APBA1: variants seen among roughly 807,000 people sequenced by gnomAD.
The protein encoded by APBA1 is amyloid beta precursor protein binding family A member 1, also known as amyloid-beta A4 precursor protein-binding family A member 1.
In APBA1, 55 loss-of-function variants were observed where a neutral mutation model predicts 86.6. The ratio of observed to expected loss-of-function variants is 0.64; its 90% CI spans 0.51 to 0.80. The LOEUF is 0.80. Ranked by LOEUF, APBA1 falls within the 30% of genes least tolerant of loss-of-function variation. The pLI is 0.00. For missense variants in APBA1, 1,090 were observed against 1,183.0 expected (o/e 0.92, Z 1.15); for synonymous variants, 511 against 493.9 (o/e 1.03, Z -0.46).
chr9:69,606,478 G>T (rs1452281887), intron 1 of APBA1, among the ~76,000 whole-genome samples: 1 of 79,990 alleles, frequency 1.3e-5, no homozygotes, highest in Non-Finnish European at 2.7e-5. Flanking sequence ...GAGGGAGCTA[G>T]CTTTTTTTTT....
At chr9:69,548,822 C>T (rs1019671447) in intron 1 of APBA1, among the ~76,000 whole-genome samples, 24 of 152,234 alleles carry the variant, frequency 1.6e-4, no homozygotes, top group African/African-American at 5.5e-4. Context: ...CTCCTCCCCA[C>T]AAAGCCCCTT....
At position 69,456,369 on chromosome 9, in the gene APBA1, C is replaced by T. The variant is rs755783658; in HGVS notation, c.1666G>A (p.Val556Met). The T allele has an allele frequency of 1.2e-6, 2 of 1,613,832 alleles. No homozygotes were observed. Among genetic ancestry groups the T allele is most frequent in the Admixed American group, 1.7e-5 (1 of 60,000 alleles). ...SYIADIGNIV[V>M]LMARRRMPRS... ...GGCATCCGCCGGCGGGCCATCAGCA[C>T]AACGATGTTCCCAATGTCCGCAATG... The change falls in exon 8 of 13, where the codon GTG becomes ATG. Residue 556 changes from valine (V) to methionine (M), a missense_variant. Val to Met is a conservative substitution (Grantham distance 21). Around this residue, in one of 6 missense-constraint regions of APBA1, gnomAD observed 103 missense variants for 91.9 expected, o/e 1.12. Coordinates refer to ENST00000265381, the MANE Select transcript of APBA1 (RefSeq NM_001163.4).
intron 1 of APBA1, among the ~76,000 whole-genome samples, chr9:69,600,706 G>A (rs2133973228): frequency 6.6e-6 from 1 of 152,026 alleles, no homozygotes; most frequent in East Asian, 1.9e-4. Context: ...GGCTGAGGCA[G>A]GAGAATCGTT....
chr9:69,520,799 G>A (rs1564065343), intron 1 of APBA1, among the ~76,000 whole-genome samples: 1 of 152,154 alleles, frequency 6.6e-6, no homozygotes, highest in Non-Finnish European at 1.5e-5. Flanking sequence ...AGAGTCCACT[G>A]TCTTAATAAC....
chr9:69,499,128 A>T (rs12348063), intron 2 of APBA1, among the ~76,000 whole-genome samples: 22,798 of 152,068 alleles, frequency 0.15, 2,321 homozygotes, highest in East Asian at 0.28. Context: ...ATATAAGAAA[A>T]CAAAGTTGGT....
chr9:69,510,582 A>C (rs1836018132), intron 2 of APBA1, among the ~76,000 whole-genome samples: 1 of 139,948 alleles, frequency 7.1e-6, no homozygotes, highest in South Asian at 2.3e-4. Flanking sequence ...TTTAAAGTTC[A>C]TATGGAACCA....
intron 1 of APBA1, among the ~76,000 whole-genome samples, chr9:69,619,357 T>A (rs566023731): frequency 4.1e-4 from 62 of 152,122 alleles, no homozygotes; most frequent in Non-Finnish European, 7.1e-4. Flanking sequence ...GGGAAGGAAA[T>A]ATGAGACACA....
At chr9:69,634,685 T>A (rs976874902) in intron 1 of APBA1, among the ~76,000 whole-genome samples, 4 of 151,630 alleles carry the variant, frequency 2.6e-5, no homozygotes. Flanking sequence ...ATAATCAAAC[T>A]CCCAAAGGTC....
intron 1 of APBA1, among the ~76,000 whole-genome samples, chr9:69,588,050 A>G (rs1304435395): frequency 6.6e-6 from 1 of 151,640 alleles, no homozygotes; most frequent in East Asian, 1.9e-4. Context: ...AAAAGAAAGA[A>G]AAAGAAAGAA....
rs745585939 is a variant in APBA1 at position 69,476,139 on chromosome 9, G to A, written c.1205C>T (p.Pro402Leu). The change falls in exon 3 of 13, where the codon CCG becomes CTG. Residue 402 changes from proline (P) to leucine (L), a missense_variant. Coordinates refer to ENST00000265381, the MANE Select transcript of APBA1 (RefSeq NM_001163.4). The stretch of plus-strand genomic sequence containing the variant: ...CAAGGGGGAGGAGCTGCCAGGAGAC[G>A]GAGACTAGAACACAGCAAGAGGAAA... ...DDQRPMDGDS[P>L]SPGSSSPLGA... is the part of the protein sequence containing the mutation. 3.8e-5 allele frequency: 62 copies of A among 1,612,156 alleles called. 1 individual carries two copies. In the South Asian group the frequency reaches 6.3e-4, roughly 16 times the overall value.
intron 1 of APBA1, among the ~76,000 whole-genome samples, chr9:69,610,374 T>G (rs1822562555): frequency 6.6e-6 from 1 of 152,080 alleles, no homozygotes; most frequent in Admixed American, 6.5e-5. Context: ...AAAAGTATTT[T>G]TGTTGTTGTT....
intron 11 of APBA1, among the ~76,000 whole-genome samples, chr9:69,436,494 C>G (rs1316774480): frequency 6.6e-6 from 1 of 151,828 alleles, no homozygotes; most frequent in African/African-American, 2.4e-5. Context: ...AGGTCCTTCA[C>G]ATCCCTTGTA....
At chr9:69,631,162 T>C (rs904105303) in intron 1 of APBA1, among the ~76,000 whole-genome samples, 2 of 152,152 alleles carry the variant, frequency 1.3e-5, no homozygotes, top group Non-Finnish European at 2.9e-5. Context: ...AAAAAGCACC[T>C]TTTGGCTGAT....
At chr9:69,608,385 A>G (rs370240069) in intron 1 of APBA1, among the ~76,000 whole-genome samples, 14 of 152,300 alleles carry the variant, frequency 9.2e-5, no homozygotes, top group African/African-American at 3.1e-4. Flanking sequence ...AGTCTATACC[A>G]TCATCAAATT....
At chr9:69,575,244 T>C (rs2133951520) in intron 1 of APBA1, among the ~76,000 whole-genome samples, 1 of 152,238 alleles carries the variant, frequency 6.6e-6, no homozygotes. Flanking sequence ...TATTTAAGCA[T>C]AAAATATTAT....
chr9:69,604,685 GGC>G (rs1302706307), intron 1 of APBA1, among the ~76,000 whole-genome samples: 5 of 121,638 alleles, frequency 4.1e-5, no homozygotes, highest in African/African-American at 1.9e-4. Flanking sequence ...TATGAGCATG[GGC>G]ACACATGCAC....
intron 3 of APBA1, among the ~76,000 whole-genome samples, chr9:69,472,908 T>C (rs1835387545): frequency 6.6e-6 from 1 of 152,206 alleles, no homozygotes; most frequent in Non-Finnish European, 1.5e-5. Context: ...TAGTTTTAAT[T>C]GTTTTGTGAA....
chr9:69,625,157 G>A (rs1189326676), intron 1 of APBA1, among the ~76,000 whole-genome samples: 1 of 152,144 alleles, frequency 6.6e-6, no homozygotes, highest in Admixed American at 6.6e-5. Flanking sequence ...GGCCACAAAA[G>A]CCTGTACCTG....
chr9:69,591,478 T>C (rs1405271726), intron 1 of APBA1, among the ~76,000 whole-genome samples: 1 of 152,192 alleles, frequency 6.6e-6, no homozygotes, highest in African/African-American at 2.4e-5. Context: ...TTGTCAACAA[T>C]ATGAAGGGAA....
Sources: allele counts gnomAD v4.1 joint callset (sites outside exome capture counted in the v4.1 genomes callset), GRCh38; gene constraint gnomAD v4.1.1; regional missense constraint gnomAD v4.1.1; transcripts MANE v1.5; gene names NCBI Gene and HGNC (gene_info 2026-07-23, HGNC 2026-07-21).